Variants in C10orf90 observed in about 807,000 individuals in gnomAD.
The protein encoded by C10orf90 is chromosome 10 open reading frame 90.
In C10orf90, 56 loss-of-function variants were observed where a neutral mutation model predicts 62.5. That is an observed-to-expected ratio of 0.90 (90% confidence interval 0.72 to 1.12). The LOEUF (loss-of-function observed/expected upper bound fraction) is 1.12. C10orf90 is among the 50% of genes most tolerant of loss of function. The probability of loss-of-function intolerance (pLI) is 0.00; values close to 1 mark genes in which losing one functional copy is unlikely to be tolerated. For synonymous variants in C10orf90, 386 were observed against 340.4 expected, an observed-to-expected ratio of 1.13 and a Z score of -1.47; for missense variants, 970 against 880.4, an observed-to-expected ratio of 1.10 and a Z score of -1.29.
chr10:126,567,670 G>A (rs564865881), intron 2 of C10orf90, among the ~76,000 whole-genome samples: 11 of 152,232 alleles, frequency 7.2e-5, no homozygotes, highest in African/African-American at 2.2e-4. Flanking sequence ...GAAGAAGATC[G>A]AGACTCGACT....
chr10:126,624,315 C>T (rs1388760997), intron 2 of C10orf90, among the ~76,000 whole-genome samples: 1 of 152,026 alleles, frequency 6.6e-6, no homozygotes, highest in African/African-American at 2.4e-5. Context: ...CACTGCAATC[C>T]AGCCTGGGCA....
intron 1 of C10orf90, among the ~76,000 whole-genome samples, chr10:126,658,446 C>G (rs1846440298): frequency 2.6e-5 from 4 of 152,176 alleles, no homozygotes; most frequent in Admixed American, 2.0e-4. Context: ...TTGTTTGCAG[C>G]ACTTCCATTA....
At chr10:126,557,826 C>T (rs1864811106) in intron 2 of C10orf90, among the ~76,000 whole-genome samples, 1 of 152,016 alleles carries the variant, frequency 6.6e-6, no homozygotes, top group Non-Finnish European at 1.5e-5. Flanking sequence ...TCCAAATTGC[C>T]TCCATGGGGC....
chr10:126,440,477 G>T (rs912683993), intron 7 of C10orf90, among the ~76,000 whole-genome samples: 1 of 152,080 alleles, frequency 6.6e-6, no homozygotes, highest in Non-Finnish European at 1.5e-5. Flanking sequence ...AACACAAAGG[G>T]CATATATTCT....
intron 2 of C10orf90, among the ~76,000 whole-genome samples, chr10:126,572,079 C>T (rs949193991): frequency 3.3e-5 from 5 of 152,158 alleles, no homozygotes; most frequent in Admixed American, 3.3e-4. Flanking sequence ...TAAAATAAGG[C>T]TACGACCTGC....
chr10:126,592,674 A>G (rs950128082), intron 2 of C10orf90, among the ~76,000 whole-genome samples: 2 of 152,204 alleles, frequency 1.3e-5, no homozygotes, highest in African/African-American at 4.8e-5. Flanking sequence ...AATTGCAACA[A>G]AAGCAAAAAT....
intron 2 of C10orf90, among the ~76,000 whole-genome samples, chr10:126,526,908 C>T (rs1863967372): frequency 6.6e-6 from 1 of 152,204 alleles, no homozygotes; most frequent in African/African-American, 2.4e-5. Flanking sequence ...ATCCTTGCTT[C>T]TTAAGGCTGA....
At chr10:126,602,679 G>C (rs532346375) in intron 2 of C10orf90, among the ~76,000 whole-genome samples, 20 of 151,984 alleles carry the variant, frequency 1.3e-4, no homozygotes, top group African/African-American at 4.6e-4. Context: ...TCTGATAGTA[G>C]AGGCAATTTA....
intron 2 of C10orf90, among the ~76,000 whole-genome samples, chr10:126,639,900 T>C (rs549209616): frequency 1.7e-4 from 26 of 152,260 alleles, no homozygotes; most frequent in Admixed American, 3.3e-4. Context: ...TGTGGGTGAT[T>C]GCAGCAAAAT....
rs1857213656 is a variant in C10orf90, at chr10:126,425,513, T to C, written c.*351A>G. The C allele has an allele frequency of 3.3e-6, 1 of 298,930 alleles. No individual in the cohort carries two copies. The highest frequency in any genetic ancestry group is 4.7e-5 in the Admixed American group (1 of 21,480). 18.5% of individuals were successfully genotyped at this position (298,930 alleles called of 1,614,324 possible). ...TGATGTAAAAGATTCCCCAGGGATGTAAACAAACTTGCTTGTATCAGGCCT... is the reference window on the plus strand; with the variant it reads ...TGATGTAAAAGATTCCCCAGGGATGCAAACAAACTTGCTTGTATCAGGCCT... On this transcript the variant is annotated 3_prime_UTR_variant, in exon 10 of 10. Transcript: ENST00000488181.
chr10:126,445,592 G>GA (rs1456359437), intron 7 of C10orf90, among the ~76,000 whole-genome samples: 1 of 152,066 alleles, frequency 6.6e-6, no homozygotes, highest in Non-Finnish European at 1.5e-5. Context: ...CAGCCCCTAT[G>GA]AAAAACAGTG....
intron 2 of C10orf90, among the ~76,000 whole-genome samples, chr10:126,589,991 T>C (rs528123660): frequency 1.3e-5 from 2 of 152,140 alleles, no homozygotes; most frequent in African/African-American, 4.8e-5. Flanking sequence ...TTTAAAGGGA[T>C]GGAGGAAAAT....
intron 2 of C10orf90, among the ~76,000 whole-genome samples, chr10:126,517,520 A>T (rs1355710910): frequency 6.6e-6 from 1 of 152,164 alleles, no homozygotes; most frequent in Admixed American, 6.5e-5. Flanking sequence ...GAACTGCCCC[A>T]TACCCCAGCT....
chr10:126,445,397 A>G (rs892290939), intron 7 of C10orf90, among the ~76,000 whole-genome samples: 3 of 152,236 alleles, frequency 2.0e-5, no homozygotes, highest in African/African-American at 7.2e-5. Flanking sequence ...CAAATGGCCA[A>G]CAAACATATG....
chr10:126,585,902 C>T (rs1463054699), intron 2 of C10orf90, among the ~76,000 whole-genome samples: 1 of 152,146 alleles, frequency 6.6e-6, no homozygotes, highest in African/African-American at 2.4e-5. Flanking sequence ...CCCTGGCCCC[C>T]GCCCCACAGA....
chr10:126,529,222 A>C (rs1864030382), intron 2 of C10orf90, among the ~76,000 whole-genome samples: 1 of 152,210 alleles, frequency 6.6e-6, no homozygotes, highest in Non-Finnish European at 1.5e-5. Context: ...AATCAACTCC[A>C]GATAATCTAA....
chr10:126,619,376 C>A (rs1442929700), intron 2 of C10orf90, among the ~76,000 whole-genome samples: 1 of 152,172 alleles, frequency 6.6e-6, no homozygotes, highest in Non-Finnish European at 1.5e-5. Context: ...CAACAGTTTT[C>A]CCAAGTAGTT....
At chr10:126,612,076 TTTGGGA>T (rs1457871435) in intron 2 of C10orf90, among the ~76,000 whole-genome samples, 2 of 152,204 alleles carry the variant, frequency 1.3e-5, no homozygotes, top group Non-Finnish European at 2.9e-5. Context: ...ATCCCAGCAC[TTTGGGA>T]GGCTGCGGCG....
intron 2 of C10orf90, among the ~76,000 whole-genome samples, chr10:126,571,565 T>C (rs115160360): frequency 0.035 from 5,276 of 152,286 alleles, 309 homozygotes; most frequent in African/African-American, 0.12. Context: ...ACTCTCACCT[T>C]CCATCATTAG....
Sources: allele counts gnomAD v4.1 joint callset (sites outside exome capture counted in the v4.1 genomes callset), GRCh38; gene constraint gnomAD v4.1.1; transcripts MANE v1.5; gene names NCBI Gene and HGNC (gene_info 2026-07-23, HGNC 2026-07-21).